The following NEDD9 variants were observed in gnomAD, a reference collection of about 807,000 sequenced individuals.
NEDD9 encodes the protein enhancer of filamentation 1.
In NEDD9, 26 loss-of-function variants were observed where a neutral mutation model predicts 76.6. The ratio of observed to expected loss-of-function variants is 0.34; its 90% CI spans 0.25 to 0.47. The LOEUF (loss-of-function observed/expected upper bound fraction) is 0.47. Ranked by LOEUF, NEDD9 falls within the 20% of genes least tolerant of loss-of-function variation. NEDD9 has a pLI of 1.00. For missense variants in NEDD9, 937 were observed against 1,058.5 expected, an observed-to-expected ratio of 0.89 and a Z score of 1.59; for synonymous variants, 392 against 414.2, an observed-to-expected ratio of 0.95 and a Z score of 0.65.
intron 1 of NEDD9, among the ~76,000 whole-genome samples, chr6:11,364,886 A>G (rs1012503): frequency 0.26 from 39,793 of 152,008 alleles, 6,333 homozygotes; most frequent in African/African-American, 0.46. Flanking sequence ...ATTATGGTAC[A>G]GTTCCTTTAT....
At position 11,231,609 on chromosome 6, in the gene NEDD9, A is replaced by G. The variant is rs560543206; in HGVS notation, c.12+895T>C. Among the ~76,000 whole-genome samples, 4 of 152,326 alleles carry G rather than the reference A, an allele frequency of 2.6e-5. No homozygotes were observed. The South Asian group carries it at 6.2e-4, about 24-fold the overall frequency. ...AATAGTAGCACTAGCACTCATGTCT[A>G]TTCATCATTCAAGAAAAATTCATGT... is the stretch of plus-strand genomic sequence containing the variant. On this transcript the variant is annotated intron_variant, in intron 1 of 6. Transcript: ENST00000379446.
chr6:11,328,437 A>T (rs944505707), intron 2 of NEDD9: 2 of 152,256 alleles, frequency 1.3e-5, no homozygotes, highest in Admixed American at 1.3e-4. Context: ...CTTCCAGATG[A>T]AGCAGATTGA....
At chr6:11,350,996 G>A (rs1054757263) in intron 1 of NEDD9, among the ~76,000 whole-genome samples, 1 of 152,096 alleles carries the variant, frequency 6.6e-6, no homozygotes, top group Non-Finnish European at 1.5e-5. Flanking sequence ...TATATACATT[G>A]TGGACGCCAC....
At chr6:11,346,856 C>T (rs1299890681) in intron 1 of NEDD9, among the ~76,000 whole-genome samples, 1 of 152,130 alleles carries the variant, frequency 6.6e-6, no homozygotes, top group East Asian at 1.9e-4. Flanking sequence ...AGCTCATGCT[C>T]AGTTGGCTTC....
chr6:11,199,637 C>CTTTTTTTTTTTT lies in NEDD9; in HGVS notation c.460-5957_460-5946dup, dbSNP rs59651160. The CTTTTTTTTTTTT allele has an allele frequency of 3.5e-4, 15 of 43,144 alleles. 2 individuals are homozygous for CTTTTTTTTTTTT. The highest frequency in any genetic ancestry group is 4.3e-4 in the Non-Finnish European group (10 of 23,376). 2.7% of individuals were successfully genotyped at this position (43,144 alleles called of 1,614,324 possible). A position where few individuals can be genotyped will look rare whatever the true frequency, so the allele number is the denominator to read the frequency against. The stretch of plus-strand genomic sequence containing the variant: ...AAAATGAAGAAAAGCTAGGAAAGAT[C>CTTTTTTTTTTTT]TTTTTTTTTTTTTTTTTTTTTTTTT... On this transcript the variant is annotated intron_variant, in intron 2 of 6. Coordinates refer to ENST00000379446, the MANE Select transcript of NEDD9 (RefSeq NM_006403.4).
chr6:11,355,544 C>T (rs187120160), intron 1 of NEDD9, among the ~76,000 whole-genome samples: 28 of 152,266 alleles, frequency 1.8e-4, no homozygotes, highest in Admixed American at 1.8e-3. Flanking sequence ...GCTCTAATTT[C>T]TGGGATGCCT....
intron 1 of NEDD9, among the ~76,000 whole-genome samples, chr6:11,365,362 C>G (rs1475805941): frequency 1.3e-5 from 2 of 152,110 alleles, no homozygotes; most frequent in Non-Finnish European, 1.5e-5. Context: ...TCTGAATGTC[C>G]TAGTTAGAGA....
intron 2 of NEDD9, among the ~76,000 whole-genome samples, chr6:11,327,465 A>G (rs1237662943): frequency 1.3e-5 from 2 of 152,248 alleles, no homozygotes; most frequent in East Asian, 3.8e-4. Flanking sequence ...AACAGTTCTG[A>G]CACCATTTTA....
chr6:11,271,185 C>A (rs1335725623), intron 3 of NEDD9, among the ~76,000 whole-genome samples: 1 of 152,220 alleles, frequency 6.6e-6, no homozygotes, highest in Non-Finnish European at 1.5e-5. Context: ...GTTGCCACCA[C>A]ACCTGATTAA....
chr6:11,199,710 G>A (rs1758387360), intron 2 of NEDD9: 1 of 130,934 alleles, frequency 7.6e-6, no homozygotes, highest in African/African-American at 2.9e-5. Context: ...GCCCAGGCTG[G>A]AGTGCAGTGG....
intron 2 of NEDD9, among the ~76,000 whole-genome samples, chr6:11,194,900 T>C (rs1349716736): frequency 6.6e-6 from 1 of 152,236 alleles, no homozygotes; most frequent in Non-Finnish European, 1.5e-5. Context: ...GGCTTCTAAA[T>C]GCCCAGGGTC....
At chr6:11,232,450 C>T (rs1759505197) in intron 1 of NEDD9, 54 bp downstream of exon 1, 1 of 1,610,288 alleles carries the variant, frequency 6.2e-7, no homozygotes, top group Admixed American at 1.7e-5. Context: ...CAAGCACACA[C>T]CCGCAGGCAC....
chr6:11,260,894 CTGTGTG>C (rs34568873), intron 3 of NEDD9, among the ~76,000 whole-genome samples: 1,924 of 148,886 alleles, frequency 0.013, 42 homozygotes, highest in African/African-American at 0.044. Flanking sequence ...GTGTGTGAGC[CTGTGTG>C]TGTGTGTGTG....
At chr6:11,196,550 C>G (rs954235910) in intron 2 of NEDD9, among the ~76,000 whole-genome samples, 2 of 152,154 alleles carry the variant, frequency 1.3e-5, no homozygotes, top group South Asian at 4.1e-4. Flanking sequence ...CCCCAACTTG[C>G]TCTCTCTTTC....
intron 5 of NEDD9, among the ~76,000 whole-genome samples, chr6:11,189,506 G>T (rs1758073866): frequency 6.6e-6 from 1 of 152,112 alleles, no homozygotes; most frequent in South Asian, 2.1e-4. Context: ...TGGTGCAAAG[G>T]TCTTCTATTC....
chr6:11,315,556 T>C (rs947311236), intron 2 of NEDD9, among the ~76,000 whole-genome samples: 6 of 152,360 alleles, frequency 3.9e-5, no homozygotes, highest in Admixed American at 3.9e-4. Context: ...GCATTGGACA[T>C]ACTTGAATTT....
chr6:11,354,278 G>A (rs777281973), intron 1 of NEDD9, among the ~76,000 whole-genome samples: 3 of 152,188 alleles, frequency 2.0e-5, no homozygotes, highest in Admixed American at 1.3e-4. Context: ...GCTGGAAAAC[G>A]TGGGGGCAAC....
chr6:11,342,615 T>C (rs1762295393), intron 1 of NEDD9, among the ~76,000 whole-genome samples: 1 of 152,122 alleles, frequency 6.6e-6, no homozygotes, highest in Non-Finnish European at 1.5e-5. Context: ...CATTTTCAGA[T>C]AAGCAAAATC....
chr6:11,246,835 A>G (rs186456752), intron 3 of NEDD9, among the ~76,000 whole-genome samples: 1 of 152,330 alleles, frequency 6.6e-6, no homozygotes, highest in African/African-American at 2.4e-5. Flanking sequence ...CATGTTTCCT[A>G]TCCAACAGGC....
Sources: allele counts gnomAD v4.1 joint callset (sites outside exome capture counted in the v4.1 genomes callset), GRCh38; gene constraint gnomAD v4.1.1; transcripts MANE v1.5; gene names NCBI Gene and HGNC (gene_info 2026-07-23, HGNC 2026-07-21).